The following PLCH1 variants were observed in gnomAD, a reference collection of about 807,000 sequenced individuals.
PLCH1 encodes the protein phospholipase C eta 1, also known as 1-phosphatidylinositol 4,5-bisphosphate phosphodiesterase eta-1.
A neutral mutation model predicts 126.7 loss-of-function variants in PLCH1; 60 were observed. The observed-to-expected ratio is 0.47, with a 90% CI of 0.38 to 0.59. The LOEUF (loss-of-function observed/expected upper bound fraction) is 0.59, where lower values mean the gene tolerates loss of function less well. PLCH1 is among the 20% of genes least tolerant of loss of function. The probability of loss-of-function intolerance (pLI) is 0.00; values close to 1 mark genes in which losing one functional copy is unlikely to be tolerated. For missense variants in PLCH1, 1,723 were observed against 2,040.0 expected (o/e 0.84, Z 2.99); for synonymous variants, 719 against 734.9 (o/e 0.98, Z 0.35).
chr3:155,625,387 A>G (rs2108788077), intron 2 of PLCH1, among the ~76,000 whole-genome samples: 1 of 152,342 alleles, frequency 6.6e-6, no homozygotes, highest in Non-Finnish European at 1.5e-5. Flanking sequence ...GCCAAAATTG[A>G]CAAATGAGAT....
rs114677559 is a variant in PLCH1, at chr3:155,580,031, T to A, written c.771+3441A>T. On this transcript the variant is annotated intron_variant, in intron 6 of 22. Transcript: ENST00000460012. ...CATTTCAAAGTTCAAAAAATACAAT[T>A]CAAAAACAAACATGGAAAAACATTC... Among the ~76,000 whole-genome samples the A allele has an allele frequency of 6.7e-3, 1,027 of 152,214 alleles. 12 individuals are homozygous for A. The highest frequency in any genetic ancestry group is 0.023 in the African/African-American group (974 of 41,552).
chr3:155,594,108 G>A lies in PLCH1; in HGVS notation c.303C>T (p.Phe101=), dbSNP rs1047610097. The change falls in exon 4 of 23, where the codon TTC becomes TTT. Residue 101 remains phenylalanine, a synonymous_variant. Transcript: ENST00000460012. The stretch of plus-strand genomic sequence containing the variant: ...AGATGGTGAAGCAGCAGCTGGGGTC[G>A]AAGTTCCCCTCAGCTTGTCTGTGGA... ...EIFHRQAEGN[F]DPSCCFTIYH... 9.9e-6 allele frequency: 16 copies of A among 1,613,860 alleles called. No homozygotes were observed. Among genetic ancestry groups the A allele is most frequent in the Non-Finnish European group, 1.3e-5 (15 of 1,179,952 alleles).
At chr3:155,489,304 C>G (rs1005041074) in intron 19 of PLCH1, among the ~76,000 whole-genome samples, 3 of 152,104 alleles carry the variant, frequency 2.0e-5, no homozygotes, top group African/African-American at 7.2e-5. Context: ...TAGCAATTCT[C>G]TAAGTTTTTT....
At chr3:155,460,097 T>C (rs1025408408) in intron 21 of PLCH1, among the ~76,000 whole-genome samples, 2 of 152,186 alleles carry the variant, frequency 1.3e-5, no homozygotes. Context: ...TTTTGATTTG[T>C]ACAATCAGAA....
chr3:155,714,672 G>A (rs897920830), intron 1 of PLCH1, among the ~76,000 whole-genome samples: 7 of 152,134 alleles, frequency 4.6e-5, no homozygotes, highest in Admixed American at 1.3e-4. Context: ...GCAATGAGGC[G>A]CAATCGACCC....
intron 2 of PLCH1, among the ~76,000 whole-genome samples, chr3:155,626,798 A>C (rs1399054466): frequency 2.0e-5 from 3 of 147,862 alleles, no homozygotes; most frequent in African/African-American, 7.5e-5. Context: ...AAAAAAAAAA[A>C]AGGAAAAAGA....
chr3:155,668,657 C>T (rs1348249861), intron 2 of PLCH1, among the ~76,000 whole-genome samples: 3 of 152,228 alleles, frequency 2.0e-5, no homozygotes, highest in East Asian at 1.9e-4. Flanking sequence ...CTTTGGGAGG[C>T]CAAGGCGGAC....
intron 1 of PLCH1, chr3:155,743,346 A>G (rs1012473536): frequency 1.4e-4 from 58 of 401,416 alleles, no homozygotes; most frequent in Admixed American, 5.3e-4. Context: ...AGCCTGGCCA[A>G]TATGGTGAAA....
chr3:155,692,402 CA>C (rs1374033787), intron 2 of PLCH1, among the ~76,000 whole-genome samples: 1 of 152,110 alleles, frequency 6.6e-6, no homozygotes, highest in Non-Finnish European at 1.5e-5. Flanking sequence ...TTATCCCTCC[CA>C]TGTCATCAAA....
At chr3:155,630,015 TTTC>T (rs1403688650) in intron 2 of PLCH1, among the ~76,000 whole-genome samples, 1 of 152,354 alleles carries the variant, frequency 6.6e-6, no homozygotes, top group Non-Finnish European at 1.5e-5. Flanking sequence ...TAACAGTCAT[TTTC>T]TTCATTTCCT....
intron 22 of PLCH1, chr3:155,483,402 C>T: frequency 6.6e-7 from 1 of 1,521,090 alleles, no homozygotes; most frequent in South Asian, 1.2e-5. Context: ...GCAATAGAAA[C>T]AGAACAAGAC....
At chr3:155,466,359 G>A (rs1291891465) in intron 21 of PLCH1, among the ~76,000 whole-genome samples, 2 of 152,178 alleles carry the variant, frequency 1.3e-5, no homozygotes, top group African/African-American at 2.4e-5. Flanking sequence ...GTAATTCAGA[G>A]AATTCTCCTG....
intron 10 of PLCH1, among the ~76,000 whole-genome samples, chr3:155,537,605 T>G (rs1723617121): frequency 6.6e-6 from 1 of 151,976 alleles, no homozygotes; most frequent in Middle Eastern, 3.2e-3. Flanking sequence ...TATCCTTATA[T>G]CAGACAAAAC....
In PLCH1 at chr3:155,596,311, C is replaced by T; in HGVS notation, c.147G>A (p.Gly49=). ...CATCCAGGTAAAAGAGGCGGACAAG[C>T]CCTTTGGTTCCACGTTTCAGCTTGA... ...QMIKLKRGTK[G]LVRLFYLDEH... Residue 49 remains glycine (G), a synonymous_variant, in exon 3 of 23, where the codon GGG becomes GGA. Coordinates refer to ENST00000460012, the MANE Select transcript of PLCH1 (RefSeq NM_014996.4). 6.2e-7 allele frequency: 1 copy of T among 1,613,630 alleles called. No individual in the cohort carries two copies. The highest frequency in any genetic ancestry group is 1.6e-4 in the Middle Eastern group (1 of 6,062).
intron 10 of PLCH1, among the ~76,000 whole-genome samples, chr3:155,542,649 G>C (rs983411556): frequency 1.3e-5 from 2 of 152,090 alleles, no homozygotes; most frequent in Non-Finnish European, 1.5e-5. Flanking sequence ...AGTAGGGGCA[G>C]ACTGACACCT....
At chr3:155,499,534 C>T (rs1717577105) in intron 14 of PLCH1, among the ~76,000 whole-genome samples, 1 of 152,164 alleles carries the variant, frequency 6.6e-6, no homozygotes, top group Non-Finnish European at 1.5e-5. Flanking sequence ...CATTAGGTTA[C>T]TAAAGTCCCA....
chr3:155,503,575 T>C (rs1014583274), intron 13 of PLCH1, among the ~76,000 whole-genome samples: 1 of 151,636 alleles, frequency 6.6e-6, no homozygotes, highest in Admixed American at 6.6e-5. Context: ...TTCACTCTTG[T>C]TGCCCAGGCT....
chr3:155,744,315 A>G (rs1001977362), intron 1 of PLCH1, among the ~76,000 whole-genome samples: 2 of 152,162 alleles, frequency 1.3e-5, no homozygotes, highest in African/African-American at 4.8e-5. Context: ...AATGGAGTAT[A>G]TCCTCCTCGC....
intron 10 of PLCH1, among the ~76,000 whole-genome samples, chr3:155,526,468 CTCT>C (rs1354283049): frequency 9.5e-6 from 1 of 105,164 alleles, no homozygotes; most frequent in Non-Finnish European, 2.2e-5. Context: ...CTCTCTTTCT[CTCT>C]TCTTTCTCTC....
Sources: gnomAD v4.1 joint callset for allele counts (sites outside exome capture counted in the v4.1 genomes callset) on GRCh38, gnomAD v4.1.1 for gene constraint, MANE v1.5 for transcripts, NCBI Gene and HGNC (gene_info 2026-07-23, HGNC 2026-07-21) for gene names.